PRKAG2: variants seen among roughly 807,000 people sequenced by gnomAD.
PRKAG2 encodes the protein 5'-AMP-activated protein kinase subunit gamma-2.
PRKAG2 carries 26 observed loss-of-function variants against 69.6 expected under a neutral mutation model. That is an observed-to-expected ratio of 0.37 (90% CI 0.27 to 0.52). The LOEUF (loss-of-function observed/expected upper bound fraction) is 0.52, where lower values mean the gene tolerates loss of function less well. PRKAG2 is among the 20% of genes least tolerant of loss of function. The probability of loss-of-function intolerance (pLI) is 0.90; values close to 1 mark genes in which losing one functional copy is unlikely to be tolerated. For missense variants in PRKAG2, 557 were observed against 740.0 expected (o/e 0.75, Z 2.87); for synonymous variants, 293 against 285.0 (o/e 1.03, Z -0.28).
chr7:151,591,053 T>G (rs1405514608), intron 6 of PRKAG2, among the ~76,000 whole-genome samples: 1 of 152,158 alleles, frequency 6.6e-6, no homozygotes, highest in African/African-American at 2.4e-5. Context: ...GGATTTGTCA[T>G]GTGCCACCTG....
At chr7:151,590,730 A>G (rs1484885758) in intron 6 of PRKAG2, among the ~76,000 whole-genome samples, 2 of 152,236 alleles carry the variant, frequency 1.3e-5, no homozygotes, top group African/African-American at 4.8e-5. Flanking sequence ...ACAAACTGTG[A>G]GATCTTGCCA....
At chr7:151,653,466 C>T (rs901255133) in intron 4 of PRKAG2, among the ~76,000 whole-genome samples, 2 of 152,156 alleles carry the variant, frequency 1.3e-5, no homozygotes, top group Non-Finnish European at 2.9e-5. Context: ...TGGATAACCT[C>T]AGGCTACTAG....
At chr7:151,599,359 C>T (rs940225694) in intron 5 of PRKAG2, among the ~76,000 whole-genome samples, 5 of 152,098 alleles carry the variant, frequency 3.3e-5, no homozygotes, top group Admixed American at 2.6e-4. Context: ...GCCTCCATGG[C>T]CACCCCCTAC....
intron 3 of PRKAG2, among the ~76,000 whole-genome samples, chr7:151,696,710 C>T (rs967265604): frequency 5.3e-5 from 8 of 152,316 alleles, no homozygotes; most frequent in African/African-American, 1.7e-4. Flanking sequence ...GTTTCAGATC[C>T]ATCGGAAGGC....
chr7:151,820,739 A>T (rs191272740), intron 1 of PRKAG2, among the ~76,000 whole-genome samples: 26 of 152,356 alleles, frequency 1.7e-4, no homozygotes, highest in African/African-American at 5.3e-4. Context: ...AGCAGGAGCC[A>T]CTGTCTGGAG....
chr7:151,567,639 G>A lies in PRKAG2; in HGVS notation c.1233+1077C>T, dbSNP rs553108743. Among the ~76,000 whole-genome samples the A allele has an allele frequency of 2.4e-4, 36 of 152,136 alleles. No individual in the cohort carries two copies. Among genetic ancestry groups the A allele is most frequent in the African/African-American group, 7.0e-4 (29 of 41,494 alleles). On this transcript the variant is annotated intron_variant, in intron 11 of 15. Coordinates refer to ENST00000287878, the MANE Select transcript of PRKAG2 (RefSeq NM_016203.4). The surrounding 1 kb of genome is among the most constrained non-coding windows in gnomAD (Gnocchi z 4.2). The stretch of plus-strand genomic sequence containing the variant: ...CCTAATCCCTTTTTCCTAGATTATC[G>A]CCTTTATTAAACTTCAGACTTGAGT...
chr7:151,876,033 C>T (rs1180371741), intron 1 of PRKAG2, among the ~76,000 whole-genome samples: 2 of 150,300 alleles, frequency 1.3e-5, no homozygotes, highest in East Asian at 4.0e-4. Context: ...CAGCTCCCCC[C>T]AACCCCCGCC....
chr7:151,625,411 A>AG (rs553416144), intron 5 of PRKAG2, among the ~76,000 whole-genome samples: 221 of 152,248 alleles, frequency 1.5e-3, no homozygotes, highest in African/African-American at 5.0e-3. Context: ...CTGGGGAGGG[A>AG]GGAGAAGGGG....
At chr7:151,870,154 T>TAGGCAGGCAGGCAGGCAGGCAGGC (rs200063326) in intron 1 of PRKAG2, among the ~76,000 whole-genome samples, 1 of 138,320 alleles carries the variant, frequency 7.2e-6, no homozygotes, top group African/African-American at 2.8e-5. Context: ...GATAGATAGA[T>TAGGCAGGCAGGCAGGCAGGCAGGC]AGGCAGGCAG....
At chr7:151,685,451 A>C (rs950458429) in intron 3 of PRKAG2, among the ~76,000 whole-genome samples, 1 of 152,192 alleles carries the variant, frequency 6.6e-6, no homozygotes, top group African/African-American at 2.4e-5. Flanking sequence ...TAAATGAATT[A>C]ATGTTTAAAA....
intron 1 of PRKAG2, among the ~76,000 whole-genome samples, chr7:151,857,220 AGAAAAGGTCAGTGCTT>A (rs1195932783): frequency 3.3e-5 from 5 of 151,410 alleles, no homozygotes; most frequent in Non-Finnish European, 5.9e-5. Flanking sequence ...GATGAGAGCC[AGAAAAGGTCAGTGCTT>A]TTTGCTGGGT....
chr7:151,865,643 G>A (rs559569526), intron 1 of PRKAG2, among the ~76,000 whole-genome samples: 2 of 152,320 alleles, frequency 1.3e-5, no homozygotes, highest in East Asian at 3.9e-4. Context: ...CTGATTCCGA[G>A]TGTAGTGTTC....
chr7:151,638,977 C>T lies in PRKAG2; in HGVS notation c.685-6839G>A, dbSNP rs191978143. The stretch of plus-strand genomic sequence containing the variant: ...AGGGCGTCCTCCAAAGAGTAAAGAA[C>T]GACGTGAAACCCCCTGGATGCTGGA... On this transcript the variant is annotated intron_variant, in intron 4 of 15. Transcript: ENST00000287878. This position sits in a 1 kb window ranked among gnomAD's most constrained non-coding sequence, Gnocchi z 4.3. Among the ~76,000 whole-genome samples the T allele has an allele frequency of 8.5e-5, 13 of 152,306 alleles. No homozygotes were observed. The East Asian group carries it at 1.7e-3, about 20-fold the overall frequency.
At chr7:151,758,321 G>A (rs540460691) in intron 3 of PRKAG2, among the ~76,000 whole-genome samples, 250 of 152,206 alleles carry the variant, frequency 1.6e-3, no homozygotes, top group Non-Finnish European at 2.1e-3. Context: ...ACCACTGCAT[G>A]ATTTTAGGGT....
intron 3 of PRKAG2, among the ~76,000 whole-genome samples, chr7:151,722,960 C>G (rs1003558621): frequency 2.0e-5 from 3 of 152,086 alleles, no homozygotes; most frequent in Non-Finnish European, 4.4e-5. Flanking sequence ...CTCTGCCTCC[C>G]AAAAAGTGGA....
At chr7:151,776,576 C>T (rs542009823) in intron 3 of PRKAG2, among the ~76,000 whole-genome samples, 16 of 152,342 alleles carry the variant, frequency 1.1e-4, no homozygotes, top group East Asian at 1.9e-4. Context: ...GCCCAGGCCC[C>T]GGGTACACAC....
chr7:151,875,240 G>C (rs1486167204), intron 1 of PRKAG2, among the ~76,000 whole-genome samples: 1 of 152,192 alleles, frequency 6.6e-6, no homozygotes, highest in Non-Finnish European at 1.5e-5. Context: ...CTGGCCCAGG[G>C]CCCCTGTGGG....
At chr7:151,615,093 G>T (rs1369011547) in intron 5 of PRKAG2, among the ~76,000 whole-genome samples, 1 of 152,174 alleles carries the variant, frequency 6.6e-6, no homozygotes, top group Non-Finnish European at 1.5e-5. Flanking sequence ...CCCCAGAGAG[G>T]AGCTGTGCAG....
chr7:151,568,662 A>C, intron 11 of PRKAG2, 54 bp downstream of exon 11: 1 of 1,591,112 alleles, frequency 6.3e-7, no homozygotes, highest in Non-Finnish European at 8.6e-7. Flanking sequence ...CTTGAAGTAC[A>C]TTATTTAATA....
Sources: gnomAD v4.1 joint callset for allele counts (sites outside exome capture counted in the v4.1 genomes callset) on GRCh38, gnomAD v4.1.1 for gene constraint, Gnocchi (gnomAD v3.1) non-coding constraint, MANE v1.5 for transcripts, NCBI Gene and HGNC (gene_info 2026-07-23, HGNC 2026-07-21) for gene names.